Variants in ABCA6 observed in about 807,000 individuals in gnomAD.
ABCA6 encodes ATP binding cassette subfamily A member 6, also known as ATP-binding cassette sub-family A member 6.
ABCA6 carries 164 observed loss-of-function variants against 191.2 expected under a neutral mutation model. The ratio of observed to expected loss-of-function variants is 0.86; its 90% confidence interval spans 0.76 to 0.98. The LOEUF is 0.98. ABCA6 is among the 50% of genes least tolerant of loss of function. The pLI is 0.00. For missense variants in ABCA6, 1,958 were observed against 1,894.1 expected (o/e 1.03, Z -0.63); for synonymous variants, 636 against 647.7 (o/e 0.98, Z 0.27).
chr17:69,108,021 C>G (rs1368084938), intron 17 of ABCA6: 1 of 474,358 alleles, frequency 2.1e-6, no homozygotes, highest in Non-Finnish European at 3.7e-6. Flanking sequence ...CTCAAACTGT[C>G]TCACTTCATC....
chr17:69,087,665 T>A (rs907568645), intron 28 of ABCA6, 192 bp from the exon 29 acceptor site: 1 of 647,186 alleles, frequency 1.5e-6, no homozygotes, highest in Admixed American at 3.1e-5. Context: ...TTTCTTAATG[T>A]TGTTGCCATT....
intron 26 of ABCA6, 134 bp downstream of exon 26, chr17:69,091,009 A>G: frequency 4.8e-6 from 4 of 838,656 alleles, no homozygotes; most frequent in Non-Finnish European, 7.0e-6. Flanking sequence ...CATTTTCATC[A>G]TCCCCCCAAA....
At chr17:69,087,502 T>C in intron 28 of ABCA6, 29 bp from the exon 29 acceptor site, 1 of 1,612,276 alleles carries the variant, frequency 6.2e-7, no homozygotes, top group South Asian at 1.1e-5. Flanking sequence ...GTGTTACATG[T>C]GGTATTCTAG....
intron 13 of ABCA6, 95 bp downstream of exon 13, chr17:69,114,667 T>C (rs548688193): frequency 3.8e-5 from 49 of 1,296,916 alleles, no homozygotes; most frequent in Middle Eastern, 5.1e-4. Context: ...ATTTTATTCA[T>C]AACAGGGCAA....
At chr17:69,130,348 A>G (rs1252014233) in intron 6 of ABCA6, among the ~76,000 whole-genome samples, 1 of 151,956 alleles carries the variant, frequency 6.6e-6, no homozygotes, top group Non-Finnish European at 1.5e-5. Flanking sequence ...AAATTAATTA[A>G]GTGACTGTAA....
chr17:69,079,752 G>A (rs1328940302), intron 37 of ABCA6, among the ~76,000 whole-genome samples: 1 of 152,158 alleles, frequency 6.6e-6, no homozygotes, highest in Non-Finnish European at 1.5e-5. Context: ...TCTGCTACAT[G>A]TGAGGCACTC....
At chr17:69,091,431 T>A (rs1029865401) in intron 25 of ABCA6, among the ~76,000 whole-genome samples, 169 bp from the exon 26 acceptor site, 3 of 152,228 alleles carry the variant, frequency 2.0e-5, no homozygotes, top group Non-Finnish European at 4.4e-5. Flanking sequence ...GGGAAGAAGC[T>A]TTTGTTAACA....
intron 10 of ABCA6, 176 bp from the exon 11 acceptor site, chr17:69,118,132 A>T (rs1257542014): frequency 6.6e-6 from 3 of 454,586 alleles, no homozygotes; most frequent in African/African-American, 6.2e-5. Flanking sequence ...ATTTCCCCTG[A>T]GGTAGAAAAT....
intron 13 of ABCA6, 90 bp from the exon 14 acceptor site, chr17:69,113,827 T>A (rs2073482134): frequency 9.2e-7 from 1 of 1,085,374 alleles, no homozygotes; most frequent in Non-Finnish European, 1.3e-6. Flanking sequence ...TCATCATCAC[T>A]GGCCATCAGA....
intron 6 of ABCA6, among the ~76,000 whole-genome samples, 155 bp downstream of exon 6, chr17:69,133,486 G>A (rs1305607722): frequency 6.6e-6 from 1 of 152,072 alleles, no homozygotes; most frequent in African/African-American, 2.4e-5. Flanking sequence ...TATTTTGCAT[G>A]GCAAAATTTA....
intron 8 of ABCA6, among the ~76,000 whole-genome samples, chr17:69,125,593 A>T (rs2144698599): frequency 6.6e-6 from 1 of 152,274 alleles, no homozygotes; most frequent in African/African-American, 2.4e-5. Context: ...TGCACTTTAC[A>T]TATGATAAAA....
chr17:69,126,505 A>C (rs2073756946), intron 8 of ABCA6, among the ~76,000 whole-genome samples: 1 of 151,782 alleles, frequency 6.6e-6, no homozygotes, highest in South Asian at 2.1e-4. Flanking sequence ...AAAATTAGCC[A>C]GGTGTGGTGG....
At position 69,124,934 on chromosome 17, in the gene ABCA6, AC is replaced by A; in HGVS notation, c.1220del (p.Gly407ValfsTer29). The A allele has an allele frequency of 6.3e-7, 1 of 1,577,958 alleles. No homozygotes were observed. The highest frequency in any genetic ancestry group is 8.6e-7 in the Non-Finnish European group (1 of 1,161,970). On this transcript the variant is annotated frameshift_variant, in exon 9 of 39. Coordinates refer to ENST00000284425, the MANE Select transcript of ABCA6 (RefSeq NM_080284.3). LOFTEE classifies it high-confidence loss of function. ...ATAATGCCAATAGCAAGTAGATGAGACCATCCAAAAGCAACATAGAAAAAGT... is the reference window on the plus strand; with the variant it reads ...ATAATGCCAATAGCAAGTAGATGAGACATCCAAAAGCAACATAGAAAAAGT... ...IATFSMLLLD[G>X]LIYLLLALYF...
At chr17:69,110,759 T>G (rs201607003) in intron 17 of ABCA6, 42 bp downstream of exon 17, 43 of 1,549,740 alleles carry the variant, frequency 2.8e-5, no homozygotes, top group Non-Finnish European at 3.6e-5. Flanking sequence ...ATGTGAACAT[T>G]TTTTCCCATA....
At chr17:69,091,299 C>A in intron 25 of ABCA6, 37 bp from the exon 26 acceptor site, 1 of 1,599,004 alleles carries the variant, frequency 6.3e-7, no homozygotes, top group Non-Finnish European at 8.5e-7. Flanking sequence ...ATCAGACATA[C>A]TCAACCCATT....
At chr17:69,100,427 G>A (rs2073153341) in intron 22 of ABCA6, among the ~76,000 whole-genome samples, 1 of 152,164 alleles carries the variant, frequency 6.6e-6, no homozygotes, top group African/African-American at 2.4e-5. Flanking sequence ...AGTCAATGGA[G>A]GGTCCACTAA....
chr17:69,107,247 G>C (rs2073326067), intron 18 of ABCA6, among the ~76,000 whole-genome samples: 1 of 152,084 alleles, frequency 6.6e-6, no homozygotes, highest in African/African-American at 2.4e-5. Context: ...TAATCTAAGT[G>C]TCTGGCATAA....
chr17:69,099,980 G>C (rs533112950), intron 22 of ABCA6, among the ~76,000 whole-genome samples: 5 of 152,256 alleles, frequency 3.3e-5, no homozygotes, highest in African/African-American at 1.2e-4. Context: ...TCAGACTTCT[G>C]GTGTGAAACA....
intron 13 of ABCA6, among the ~76,000 whole-genome samples, chr17:69,114,420 G>C (rs1189111231): frequency 4.0e-5 from 5 of 125,702 alleles, no homozygotes; most frequent in South Asian, 3.1e-4. Flanking sequence ...GTTGTGGGGT[G>C]GGGGGAGGGG....
Sources: allele counts gnomAD v4.1 joint callset (sites outside exome capture counted in the v4.1 genomes callset), GRCh38; gene constraint gnomAD v4.1.1; transcripts MANE v1.5; gene names NCBI Gene and HGNC (gene_info 2026-07-23, HGNC 2026-07-21).